ATRN: variants seen among roughly 807,000 people sequenced by gnomAD.
ATRN encodes attractin.
In ATRN, 54 loss-of-function variants were observed where a neutral mutation model predicts 178.7. The observed-to-expected ratio is 0.30, with a 90% CI of 0.24 to 0.38. The LOEUF (loss-of-function observed/expected upper bound fraction) is 0.38. Ranked by LOEUF, ATRN falls within the 10% of genes least tolerant of loss-of-function variation. The pLI, the probability that ATRN is intolerant of heterozygous loss-of-function variation, is 1.00. For synonymous variants in ATRN, 636 were observed against 663.0 expected (o/e 0.96, Z 0.63); for missense variants, 1,443 against 1,815.1 (o/e 0.79, Z 3.73).
intron 1 of ATRN, among the ~76,000 whole-genome samples, chr20:3,503,891 G>C (rs1441363056): frequency 6.6e-6 from 1 of 152,136 alleles, no homozygotes; most frequent in Non-Finnish European, 1.5e-5. Flanking sequence ...TAAACCCAGT[G>C]AAACACCAAG....
At chr20:3,548,668 C>T (rs1408855863) in intron 5 of ATRN, among the ~76,000 whole-genome samples, 1 of 151,026 alleles carries the variant, frequency 6.6e-6, no homozygotes, top group Non-Finnish European at 1.5e-5. Flanking sequence ...ATTTACATAG[C>T]ATTTACATTG....
At chr20:3,610,599 GT>G (rs1568763148) in intron 24 of ATRN, among the ~76,000 whole-genome samples, 1 of 144,822 alleles carries the variant, frequency 6.9e-6, no homozygotes, top group Non-Finnish European at 1.5e-5. Flanking sequence ...TTGAGACAGG[GT>G]CTCACTTTGT....
intron 1 of ATRN, among the ~76,000 whole-genome samples, chr20:3,524,171 T>A (rs1443082223): frequency 6.6e-6 from 1 of 151,188 alleles, no homozygotes; most frequent in Non-Finnish European, 1.5e-5. Context: ...CCAACTCATG[T>A]GCAAAGACAC....
rs761056301 is a variant in ATRN at position 3,524,234 on chromosome 20, C to CAA, written c.411-11005_411-11004dup. ...GAGTATTTACCAAGCAAATGGAAGCCAAAAAAAAAAAAAAAGCAGGGGTTG... is the reference window on the plus strand; with the variant it reads ...GAGTATTTACCAAGCAAATGGAAGCCAAAAAAAAAAAAAAAAAGCAGGGGTTG... On this transcript the variant is annotated intron_variant, in intron 1 of 28. Transcript: ENST00000262919. Among the ~76,000 whole-genome samples, 525 of 96,338 alleles carry CAA rather than the reference C, an allele frequency of 5.4e-3. 3 individuals are homozygous for CAA. Among genetic ancestry groups the CAA allele is most frequent in the African/African-American group, 0.015 (486 of 32,356 alleles). The allele number at this position is 96,338 out of a possible 152,430, so 63.2% of individuals were successfully genotyped here.
At chr20:3,617,180 A>G (rs1032505410) in intron 24 of ATRN, among the ~76,000 whole-genome samples, 2 of 152,144 alleles carry the variant, frequency 1.3e-5, no homozygotes, top group African/African-American at 4.8e-5. Context: ...GGCAACCAAG[A>G]ATCTGTTATC....
intron 3 of ATRN, among the ~76,000 whole-genome samples, chr20:3,543,940 G>A (rs555495560): frequency 2.0e-4 from 31 of 152,070 alleles, no homozygotes; most frequent in Non-Finnish European, 4.0e-4. Context: ...AGGCTGAGGT[G>A]GGAAGATTTC....
At chr20:3,509,419 T>C (rs1455609332) in intron 1 of ATRN, among the ~76,000 whole-genome samples, 1 of 151,860 alleles carries the variant, frequency 6.6e-6, no homozygotes, top group Admixed American at 6.6e-5. Flanking sequence ...CCAGAAAAAA[T>C]GATTCTAAAT....
Position 3,500,386 on chromosome 20 carries a change from C to T in ATRN, c.410+28869C>T, listed in dbSNP as rs239125. Reference sequence around the variant, plus strand: ...ATGCTGCTATAAAGACACATGCACACGTATGTTTATAGTGGCACTATTCAC... The same window carrying T: ...ATGCTGCTATAAAGACACATGCACATGTATGTTTATAGTGGCACTATTCAC... On this transcript the variant is annotated intron_variant, in intron 1 of 28. Transcript: ENST00000262919. Among the ~76,000 whole-genome samples, 1,206 of 152,112 alleles carry T rather than the reference C, an allele frequency of 7.9e-3. 18 individuals are homozygous for T. Among genetic ancestry groups the T allele is most frequent in the African/African-American group, 0.027 (1,136 of 41,494 alleles).
At chr20:3,492,303 C>T (rs1313017286) in intron 1 of ATRN, among the ~76,000 whole-genome samples, 2 of 151,588 alleles carry the variant, frequency 1.3e-5, no homozygotes, top group South Asian at 2.1e-4. Context: ...GAATTGGCTT[C>T]GCAGGTGAGA....
intron 15 of ATRN, among the ~76,000 whole-genome samples, 165 bp downstream of exon 15, chr20:3,578,937 T>C (rs916907618): frequency 6.6e-6 from 1 of 152,020 alleles, no homozygotes; most frequent in African/African-American, 2.4e-5. Context: ...GCTGTCAGAG[T>C]CTCTTCCTCT....
intron 1 of ATRN, among the ~76,000 whole-genome samples, chr20:3,480,538 A>G (rs1032535004): frequency 2.6e-5 from 4 of 152,160 alleles, no homozygotes; most frequent in African/African-American, 7.2e-5. Flanking sequence ...ACTGCAGTCC[A>G]TGTTTTTCTT....
At chr20:3,577,039 C>T (rs1331939858) in intron 14 of ATRN, 42 bp downstream of exon 14, 5 of 1,603,308 alleles carry the variant, frequency 3.1e-6, no homozygotes, top group Non-Finnish European at 3.4e-6. Flanking sequence ...GGGTCCATTA[C>T]TTCAGCCTGC....
intron 6 of ATRN, among the ~76,000 whole-genome samples, chr20:3,559,066 T>C (rs1158406158): frequency 6.6e-6 from 1 of 152,220 alleles, no homozygotes; most frequent in African/African-American, 2.4e-5. Context: ...GAAAAGTTAT[T>C]GTAATAAAAT....
At chr20:3,471,693 C>T (rs1046206046) in intron 1 of ATRN, among the ~76,000 whole-genome samples, 176 bp downstream of exon 1, 1 of 152,166 alleles carries the variant, frequency 6.6e-6, no homozygotes, top group Non-Finnish European at 1.5e-5. Flanking sequence ...GGCCTGGGGT[C>T]TTTCTCTGTT....
Position 3,471,486 on chromosome 20 carries a change from G to T in ATRN, c.379G>T (p.Glu127Ter). The T allele has an allele frequency of 7.1e-7, 1 of 1,410,822 alleles. No homozygotes were observed. Among genetic ancestry groups the T allele is most frequent in the South Asian group, 1.6e-5 (1 of 63,396 alleles). 87.4% of individuals were successfully genotyped at this position (1,410,822 alleles called of 1,614,324 possible). A position where few individuals can be genotyped will look rare whatever the true frequency, so the allele number is the denominator to read the frequency against. ...QCVCPAGWVG[E>*]QCQHCGGRFR... Reference sequence around the variant, plus strand: ...CGTCTGCCCCGCCGGCTGGGTGGGCGAGCAATGCCAGCACTGCGGGGGCCG... The same window carrying T: ...CGTCTGCCCCGCCGGCTGGGTGGGCTAGCAATGCCAGCACTGCGGGGGCCG... The change falls in exon 1 of 29, where the codon GAG (glutamate) becomes TAG (stop). Residue 127 changes from glutamate to a stop codon, truncating the protein, a stop_gained. Transcript: ENST00000262919. LOFTEE classifies it high-confidence loss of function.
chr20:3,473,606 G>T (rs2084465354), intron 1 of ATRN, among the ~76,000 whole-genome samples: 1 of 152,216 alleles, frequency 6.6e-6, no homozygotes, highest in Non-Finnish European at 1.5e-5. Flanking sequence ...AATACAAATG[G>T]CCTTGAAGGT....
Position 3,545,811 on chromosome 20 carries a change from G to A in ATRN, c.658G>A (p.Val220Ile), listed in dbSNP as rs1212844244. ...RDGNETVPEV[V>I]ATSGYALLHF... ...TGGCAATGAGACTGTCCCTGAGGTT[G>A]TTGCCACATCAGGTTATGCCTTGCT... The change falls in exon 4 of 29, where the codon GTT (valine) becomes ATT (isoleucine). Residue 220 changes from valine (V) to isoleucine (I), a missense_variant. By Grantham distance (29) the Val-to-Ile change is conservative. This residue lies in a region of ATRN where 862 missense variants were observed against 972.1 expected (regional missense o/e 0.89). Transcript: ENST00000262919. 4 of 1,614,104 alleles carry A rather than the reference G, an allele frequency of 2.5e-6. No individual in the cohort carries two copies. The South Asian group carries it at 4.4e-5, about 18-fold the overall frequency.
intron 24 of ATRN, among the ~76,000 whole-genome samples, chr20:3,614,801 C>G (rs942474332): frequency 2.0e-5 from 3 of 152,088 alleles, no homozygotes; most frequent in Non-Finnish European, 2.9e-5. Context: ...CTCATTCCCC[C>G]CTCTTCCGGC....
At chr20:3,538,358 T>C (rs951448838) in intron 2 of ATRN, among the ~76,000 whole-genome samples, 1 of 152,098 alleles carries the variant, frequency 6.6e-6, no homozygotes, top group Non-Finnish European at 1.5e-5. Context: ...CTTGAACCAT[T>C]AGTAAATGCC....
Sources: gnomAD v4.1 joint callset for allele counts (sites outside exome capture counted in the v4.1 genomes callset) on GRCh38, gnomAD v4.1.1 for gene constraint, gnomAD v4.1.1 regional missense constraint, MANE v1.5 for transcripts, NCBI Gene and HGNC (gene_info 2026-07-23, HGNC 2026-07-21) for gene names.